TENM3: variants seen among roughly 807,000 people sequenced by gnomAD.
TENM3 encodes teneurin-3.
TENM3 carries 63 observed loss-of-function variants against 255.1 expected under a neutral mutation model. The ratio of observed to expected loss-of-function variants is 0.25; its 90% CI spans 0.20 to 0.30. The LOEUF is 0.30. Ranked by LOEUF, TENM3 falls within the 10% of genes least tolerant of loss-of-function variation. The pLI is 1.00. For synonymous variants in TENM3, 1,306 were observed against 1,322.3 expected, an observed-to-expected ratio of 0.99 and a Z score of 0.27; for missense variants, 2,929 against 3,461.1, an observed-to-expected ratio of 0.85 and a Z score of 3.86.
chr4:181,944,626 C>T, the TENM3 span, among the ~76,000 whole-genome samples: 3 of 146,786 alleles, frequency 2.0e-5, no homozygotes, highest in African/African-American at 8.0e-5. Context: ...CTAAAGCCAT[C>T]ATCCTGCCTG....
At position 182,334,678 on chromosome 4, in the gene TENM3, C is replaced by CA. The variant is rs796618081; in HGVS notation, c.232+10434dup. ...GTATATAGGTAAATTTAACATAAAACAAAAAAAAGGTTTTTCTATTCAGTG... is the reference window on the plus strand; with the variant it reads ...GTATATAGGTAAATTTAACATAAAACAAAAAAAAAGGTTTTTCTATTCAGTG... On this transcript the variant is annotated intron_variant, in intron 2 of 27. Transcript: ENST00000511685. Among the ~76,000 whole-genome samples, 50 of 148,690 alleles carry CA rather than the reference C, an allele frequency of 3.4e-4. 1 individual carries two copies. The East Asian group carries it at 5.4e-3, about 16-fold the overall frequency.
At chr4:182,038,032 C>A in the TENM3 span, among the ~76,000 whole-genome samples, 2 of 152,090 alleles carry the variant, frequency 1.3e-5, no homozygotes, top group South Asian at 2.1e-4. Flanking sequence ...AACAAACAAA[C>A]AAACACCTCT....
At chr4:182,619,916 C>T (rs768436225) in intron 4 of TENM3, among the ~76,000 whole-genome samples, 2 of 152,144 alleles carry the variant, frequency 1.3e-5, no homozygotes, top group Non-Finnish European at 2.9e-5. Flanking sequence ...AAGAAGCCGC[C>T]GCGGCTGCTG....
At chr4:182,177,958 G>GTTTTTTTTTTTTTTTTT (rs56256529) in intron 1 of TENM3, among the ~76,000 whole-genome samples, 1 of 117,132 alleles carries the variant, frequency 8.5e-6, no homozygotes, top group African/African-American at 3.1e-5. Flanking sequence ...TTTGGTTTTT[G>GTTTTTTTTTTTTTTTTT]TTTTTTTTTT....
chr4:181,842,475 A>G, the TENM3 span, among the ~76,000 whole-genome samples: 2 of 152,194 alleles, frequency 1.3e-5, no homozygotes, highest in African/African-American at 4.8e-5. Context: ...CCCATATATG[A>G]GTTTTATAAC....
At chr4:181,929,057 C>G in the TENM3 span, among the ~76,000 whole-genome samples, 1 of 152,212 alleles carries the variant, frequency 6.6e-6, no homozygotes, top group Non-Finnish European at 1.5e-5. Flanking sequence ...AAAACCGGTA[C>G]CAGCCACTGT....
intron 3 of TENM3, among the ~76,000 whole-genome samples, chr4:182,416,023 T>C (rs1770334803): frequency 6.6e-6 from 1 of 152,174 alleles, no homozygotes; most frequent in Non-Finnish European, 1.5e-5. Flanking sequence ...CTTGTAAAAG[T>C]ACTAAGAAAT....
intron 3 of TENM3, among the ~76,000 whole-genome samples, chr4:182,412,731 A>T (rs1184619015): frequency 6.6e-6 from 1 of 151,236 alleles, no homozygotes; most frequent in East Asian, 1.9e-4. Context: ...CGGGTGGGTT[A>T]GCACTCACCT....
intron 1 of TENM3, among the ~76,000 whole-genome samples, chr4:182,284,308 T>G (rs1045850985): frequency 1.3e-5 from 2 of 152,170 alleles, no homozygotes; most frequent in Admixed American, 1.3e-4. Flanking sequence ...TGCAAGATTT[T>G]CCAGATGACC....
the TENM3 span, among the ~76,000 whole-genome samples, chr4:182,100,828 TATATATATATACTC>T: frequency 3.7e-3 from 29 of 7,734 alleles, 7 homozygotes; most frequent in South Asian, 0.014. Flanking sequence ...TACACATATA[TATATATATATACTC>T]ATATATATAT....
At chr4:182,191,858 G>A (rs374187697) in intron 1 of TENM3, among the ~76,000 whole-genome samples, 2 of 152,098 alleles carry the variant, frequency 1.3e-5, no homozygotes, top group African/African-American at 2.4e-5. Flanking sequence ...ACAGATTATC[G>A]CTGATCTACT....
intron 2 of TENM3, among the ~76,000 whole-genome samples, chr4:182,336,299 A>G (rs912155168): frequency 2.0e-5 from 3 of 152,160 alleles, no homozygotes; most frequent in Non-Finnish European, 4.4e-5. Flanking sequence ...ACAAATTCCT[A>G]AAGTGAGAAC....
chr4:181,980,509 T>C, the TENM3 span: 3 of 152,312 alleles, frequency 2.0e-5, no homozygotes, highest in Admixed American at 6.5e-5. Context: ...TTCCATATAT[T>C]CAACCTAATA....
chr4:181,742,676 A>AT, the TENM3 span, among the ~76,000 whole-genome samples: 5,559 of 150,948 alleles, frequency 0.037, 153 homozygotes, highest in Middle Eastern at 0.12. Flanking sequence ...ATTTATTTTT[A>AT]TTTTTTTTTA....
chr4:181,821,811 G>A, the TENM3 span, among the ~76,000 whole-genome samples: 1 of 152,084 alleles, frequency 6.6e-6, no homozygotes, highest in African/African-American at 2.4e-5. Context: ...TTCTGTTTAG[G>A]CTACTCTGCC....
At chr4:181,680,346 T>C in the TENM3 span, among the ~76,000 whole-genome samples, 1 of 152,146 alleles carries the variant, frequency 6.6e-6, no homozygotes, top group Non-Finnish European at 1.5e-5. Context: ...ATCCAATATT[T>C]AAGTCATCTT....
At chr4:181,546,051 G>A in the TENM3 span, among the ~76,000 whole-genome samples, 41 of 152,250 alleles carry the variant, frequency 2.7e-4, no homozygotes, top group East Asian at 7.7e-3. Context: ...TTATTGCCAC[G>A]GTTTCCCTAT....
At chr4:182,279,239 T>G (rs868505768) in intron 1 of TENM3, among the ~76,000 whole-genome samples, 1 of 152,336 alleles carries the variant, frequency 6.6e-6, no homozygotes, top group Middle Eastern at 3.4e-3. Flanking sequence ...GCTTTTAAAA[T>G]ATTTTGTTGA....
intron 3 of TENM3, among the ~76,000 whole-genome samples, chr4:182,569,548 T>A (rs140738593): frequency 7.0e-6 from 1 of 143,410 alleles, no homozygotes; most frequent in East Asian, 2.0e-4. Context: ...AGCAAGACTG[T>A]GTCTCAAAAA....
Sources: gnomAD v4.1 joint callset for allele counts (sites outside exome capture counted in the v4.1 genomes callset) on GRCh38, gnomAD v4.1.1 for gene constraint, MANE v1.5 for transcripts, NCBI Gene and HGNC (gene_info 2026-07-23, HGNC 2026-07-21) for gene names.